CARD6: variants seen among roughly 807,000 people sequenced by gnomAD.
The protein encoded by CARD6 is caspase recruitment domain-containing protein 6.
Under a neutral mutation model 23.6 loss-of-function variants are expected in CARD6, and 27 were observed. The observed-to-expected ratio is 1.14, with a 90% CI of 0.84 to 1.58. The LOEUF (loss-of-function observed/expected upper bound fraction) is 1.58, where lower values mean the gene tolerates loss of function less well. Ranked by LOEUF, CARD6 falls within the 40% of genes most tolerant of loss-of-function variation. The probability of loss-of-function intolerance (pLI) is 0.00; values close to 1 mark genes in which losing one functional copy is unlikely to be tolerated. For missense variants in CARD6, 1,214 were observed against 1,209.9 expected (o/e 1.00, Z -0.05); for synonymous variants, 397 against 431.8 (o/e 0.92, Z 1.00).
At chr5:40,845,082 G>A (rs1413658447) in intron 2 of CARD6, among the ~76,000 whole-genome samples, 1 of 151,966 alleles carries the variant, frequency 6.6e-6, no homozygotes, top group Non-Finnish European at 1.5e-5. Context: ...TGGCCAGGCT[G>A]GTCTCGAACT....
At chr5:40,846,354 G>A (rs1745966982) in intron 2 of CARD6, among the ~76,000 whole-genome samples, 1 of 150,314 alleles carries the variant, frequency 6.7e-6, no homozygotes, top group African/African-American at 2.4e-5. Flanking sequence ...GAGAAAGGGA[G>A]AGAGAGCAAG....
chr5:40,843,537 T>C lies in CARD6; in HGVS notation c.669T>C (p.Asp223=). The C allele has an allele frequency of 1.9e-6, 3 of 1,608,574 alleles. No homozygotes were observed. The highest frequency in any genetic ancestry group is 2.5e-6 in the Non-Finnish European group (3 of 1,178,562). ...TAGGATCTGTTGACACCCCTGAAGA[T>C]GCAGAAGCCACTGTGGAAGAGGAGG... ...EYLGSVDTPE[D]AEATVEEEVY... Residue 223 remains aspartate, a synonymous_variant, in exon 2 of 3, where the codon GAT becomes GAC. Transcript: ENST00000254691.
chr5:40,847,562 A>G (rs1172549761), intron 2 of CARD6, among the ~76,000 whole-genome samples: 1 of 152,094 alleles, frequency 6.6e-6, no homozygotes, highest in Admixed American at 6.5e-5. Flanking sequence ...TTATTGAAAG[A>G]TATTTTTATT....
At position 40,855,005 on chromosome 5, in the gene CARD6, T is replaced by C. The variant is rs1232628743; in HGVS notation, c.*559T>C. On this transcript the variant is annotated 3_prime_UTR_variant, in exon 3 of 3. Coordinates refer to ENST00000254691, the MANE Select transcript of CARD6 (RefSeq NM_032587.4). Reference sequence around the variant, plus strand: ...GATAATTGAATCCAATCTTGGGTATTATTAGATAATGTATAACTTGCACCC... The same window carrying C: ...GATAATTGAATCCAATCTTGGGTATCATTAGATAATGTATAACTTGCACCC... 6.5e-6 allele frequency: 1 copy of C among 153,990 alleles called. No individual in the cohort carries two copies. Among genetic ancestry groups the C allele is most frequent in the Non-Finnish European group, 1.4e-5 (1 of 69,220 alleles). The allele number at this position is 153,990 out of a possible 1,614,324, so 9.5% of individuals were successfully genotyped here.
chr5:40,846,472 C>A (rs1351281377), intron 2 of CARD6, among the ~76,000 whole-genome samples: 1 of 152,084 alleles, frequency 6.6e-6, no homozygotes, highest in Non-Finnish European at 1.5e-5. Flanking sequence ...GCTGCTGTAA[C>A]AAAGTACCAC....
At chr5:40,851,531 T>C (rs1376534763) in intron 2 of CARD6, among the ~76,000 whole-genome samples, 1 of 151,578 alleles carries the variant, frequency 6.6e-6, no homozygotes, top group Non-Finnish European at 1.5e-5. Context: ...GCAGTGAAAA[T>C]GTAGATTAGA....
chr5:40,846,120 C>A (rs1465645790), intron 2 of CARD6, among the ~76,000 whole-genome samples: 1 of 151,496 alleles, frequency 6.6e-6, no homozygotes, highest in African/African-American at 2.4e-5. Flanking sequence ...TCAAGCGATT[C>A]TCCTGCCTCA....
chr5:40,844,232 ATTTC>A (rs1168225653), intron 2 of CARD6, among the ~76,000 whole-genome samples: 1 of 152,098 alleles, frequency 6.6e-6, no homozygotes, highest in Non-Finnish European at 1.5e-5. Context: ...GAATCTGAAT[ATTTC>A]TTTATTTAAA....
rs762599068 is a variant in CARD6 at position 40,854,290 on chromosome 5, A to G, written c.2958A>G (p.Pro986=). ...QSQPSQTKPS[P]CKSTQPKPSQ... ...AGCCCTCCCAAACTAAACCTTCTCC[A>G]TGCAAATCTACTCAGCCTAAGCCAA... is the stretch of plus-strand genomic sequence containing the variant. Residue 986 remains proline, a synonymous_variant, in exon 3 of 3, where the codon CCA becomes CCG. Coordinates refer to ENST00000254691, the MANE Select transcript of CARD6 (RefSeq NM_032587.4). 1 of 1,614,078 alleles carries G rather than the reference A, an allele frequency of 6.2e-7. No homozygotes were observed.
At position 40,855,243 on chromosome 5, in the gene CARD6, A is replaced by C. The variant is rs139193127; in HGVS notation, c.*797A>C. On this transcript the variant is annotated 3_prime_UTR_variant, in exon 3 of 3. Transcript: ENST00000254691. ...CTGCTTATTTGGTGTGGTTAAATCA[A>C]CTAGCTTCTGCTAATAGCCCCAATT... 6.6e-6 allele frequency: 1 copy of C among 152,374 alleles called. No homozygotes were observed. Among genetic ancestry groups the C allele is most frequent in the Non-Finnish European group, 1.5e-5 (1 of 68,032 alleles). 9.4% of individuals were successfully genotyped at this position (152,374 alleles called of 1,614,324 possible). A position where few individuals can be genotyped will look rare whatever the true frequency, so the allele number is the denominator to read the frequency against.
Position 40,843,669 on chromosome 5 carries a change from C to G in CARD6, c.801C>G (p.Thr267=), listed in dbSNP as rs1225087508. 13 of 1,558,968 alleles carry G rather than the reference C, an allele frequency of 8.3e-6. No homozygotes were observed. The highest frequency in any genetic ancestry group is 1.1e-5 in the Non-Finnish European group (13 of 1,161,542). The change falls in exon 2 of 3, where the codon ACC becomes ACG. Residue 267 remains threonine (T), a synonymous_variant. Transcript: ENST00000254691. ...GEEPSYEGSE[T]SLSLEEEQEK... ...AACCAAGTTATGAGGGATCAGAAACCAGCCTTTCATTGGAGGAGGAACAGG... is the reference window on the plus strand; with the variant it reads ...AACCAAGTTATGAGGGATCAGAAACGAGCCTTTCATTGGAGGAGGAACAGG...
At chr5:40,845,885 G>A (rs187019306) in intron 2 of CARD6, among the ~76,000 whole-genome samples, 8 of 152,214 alleles carry the variant, frequency 5.3e-5, no homozygotes, top group East Asian at 3.9e-4. Flanking sequence ...TCACATGTCT[G>A]TGGTTGGCTG....
In CARD6 at chr5:40,842,549, A is replaced by G. The variant is rs141851447; in HGVS notation, c.284-603A>G. On this transcript the variant is annotated intron_variant, in intron 1 of 2. Transcript: ENST00000254691. ...TGTTGTGAGTCACAGTAAGTCCACA[A>G]GTAAACACTGTTCATATGATTCAAA... Among the ~76,000 whole-genome samples, 6 of 152,356 alleles carry G rather than the reference A, an allele frequency of 3.9e-5. No homozygotes were observed. The East Asian group carries it at 7.7e-4, about 20-fold the overall frequency.
At chr5:40,842,824 G>A (rs1384671549) in intron 1 of CARD6, among the ~76,000 whole-genome samples, 1 of 152,152 alleles carries the variant, frequency 6.6e-6, no homozygotes, top group African/African-American at 2.4e-5. Flanking sequence ...GATCACCTGA[G>A]GTCAGGAGTT....
chr5:40,854,696 T>C lies in CARD6; in HGVS notation c.*250T>C, dbSNP rs761498703. 2.7e-5 allele frequency: 11 copies of C among 412,046 alleles called. No individual in the cohort carries two copies. The highest frequency in any genetic ancestry group is 4.4e-5 in the Non-Finnish European group (10 of 226,226). 25.5% of individuals were successfully genotyped at this position (412,046 alleles called of 1,614,324 possible). On this transcript the variant is annotated 3_prime_UTR_variant, in exon 3 of 3. Transcript: ENST00000254691. ...ACCTCTGCTTCCTGGCTTAAAGTGATTCTCCTGCCTCAGCCTCTCGAGTAG... is the reference window on the plus strand; with the variant it reads ...ACCTCTGCTTCCTGGCTTAAAGTGACTCTCCTGCCTCAGCCTCTCGAGTAG...
In CARD6 at chr5:40,853,134, A is replaced by G; in HGVS notation, c.1802A>G (p.Asn601Ser). The part of the protein sequence containing the change: ...EEAQIFQRIL[N>S]LKPAQLLFWE... Reference sequence around the variant, plus strand: ...GCTCAAATTTTTCAGAGGATACTGAACTTGAAGCCAGCACAGCTACTGTTT... The same window carrying G: ...GCTCAAATTTTTCAGAGGATACTGAGCTTGAAGCCAGCACAGCTACTGTTT... Residue 601 changes from asparagine (N) to serine (S), a missense_variant, in exon 3 of 3, where the codon AAC becomes AGC. Asn to Ser is a conservative substitution (Grantham distance 46). Coordinates refer to ENST00000254691, the MANE Select transcript of CARD6 (RefSeq NM_032587.4). 1 of 1,614,146 alleles carries G rather than the reference A, an allele frequency of 6.2e-7. No homozygotes were observed. Among genetic ancestry groups the G allele is most frequent in the Non-Finnish European group, 8.5e-7 (1 of 1,180,010 alleles).
rs751065765 is a variant in CARD6 at position 40,853,764 on chromosome 5, C to T, written c.2432C>T (p.Ser811Leu). 21 of 1,614,042 alleles carry T rather than the reference C, an allele frequency of 1.3e-5. No homozygotes were observed. Among genetic ancestry groups the T allele is most frequent in the Non-Finnish European group, 1.7e-5 (20 of 1,180,042 alleles). Residue 811 changes from serine to leucine, a missense_variant, in exon 3 of 3, where the codon TCG (serine) becomes TTG (leucine). Transcript: ENST00000254691. ...KFSRVARGCH[S>L]NGTFGRLPRP... ...TCCAGAGTTGCTCGGGGATGTCACT[C>T]GAATGGAACATTTGGGAGACTGCCA...
Position 40,853,505 on chromosome 5 carries a change from A to T in CARD6, c.2173A>T (p.Arg725Trp), listed in dbSNP as rs1180788989. ...LQNLYGTPVF[R>W]PVLENSWLFP... ...GAATCTCTATGGTACCCCAGTATTC[A>T]GGCCTGTTCTAGAGAACTCCTGGCT... The change falls in exon 3 of 3, where the codon AGG (arginine) becomes TGG (tryptophan). Residue 725 changes from arginine to tryptophan, a missense_variant. By Grantham distance (101) the Arg-to-Trp change is moderately radical. Transcript: ENST00000254691. 1.2e-6 allele frequency: 2 copies of T among 1,614,074 alleles called. No individual in the cohort carries two copies. Among genetic ancestry groups the T allele is most frequent in the African/African-American group, 2.7e-5 (2 of 74,924 alleles).
In CARD6 at chr5:40,852,684, A is replaced by AGAT. The variant is rs1746090677; in HGVS notation, c.1354_1356dup (p.Met452dup). The AGAT allele has an allele frequency of 6.2e-7, 1 of 1,614,064 alleles. No homozygotes were observed. Among genetic ancestry groups the AGAT allele is most frequent in the Non-Finnish European group, 8.5e-7 (1 of 1,180,030 alleles). ...ACAGAAAAGTTTCTGACTCTCATGAAGATGCCTGTCATCTCTTTTGTGCGT... is the reference window on the plus strand; with the variant it reads ...ACAGAAAAGTTTCTGACTCTCATGAAGATGATGCCTGTCATCTCTTTTGTGCGT... On this transcript the variant is annotated inframe_insertion, in exon 3 of 3. Coordinates refer to ENST00000254691, the MANE Select transcript of CARD6 (RefSeq NM_032587.4).
Sources: allele counts gnomAD v4.1 joint callset (sites outside exome capture counted in the v4.1 genomes callset), GRCh38; gene constraint gnomAD v4.1.1; transcripts MANE v1.5; gene names NCBI Gene and HGNC (gene_info 2026-07-23, HGNC 2026-07-21).